DCTN6: variants seen among roughly 807,000 people sequenced by gnomAD.
DCTN6 encodes dynactin subunit 6, also known as dynactin 6.
In DCTN6, 15 loss-of-function variants were observed where a neutral mutation model predicts 25.8. The observed-to-expected ratio is 0.58, with a 90% CI of 0.39 to 0.89. The LOEUF is 0.89. Among genes scored for constraint, DCTN6 ranks in the 40% least tolerant of loss-of-function variants. The probability of loss-of-function intolerance (pLI) is 0.00; values close to 1 mark genes in which losing one functional copy is unlikely to be tolerated. For synonymous variants in DCTN6, 64 were observed against 78.3 expected, an observed-to-expected ratio of 0.82 and a Z score of 0.96; for missense variants, 198 against 237.6, an observed-to-expected ratio of 0.83 and a Z score of 1.09.
chr8:30,175,394 T>C (rs1245184120), intron 3 of DCTN6, among the ~76,000 whole-genome samples: 1 of 152,196 alleles, frequency 6.6e-6, no homozygotes, highest in African/African-American at 2.4e-5. Flanking sequence ...ATGAGAGAGC[T>C]GAGTAGCTGC....
intron 5 of DCTN6, among the ~76,000 whole-genome samples, chr8:30,179,891 C>T (rs1319845761): frequency 1.3e-5 from 2 of 152,134 alleles, no homozygotes; most frequent in Admixed American, 6.5e-5. Flanking sequence ...CAGGAGATTA[C>T]CTAAAGTCAC....
chr8:30,165,580 T>A (rs1803654473), intron 2 of DCTN6: 1 of 151,924 alleles, frequency 6.6e-6, no homozygotes, highest in Non-Finnish European at 1.5e-5. Flanking sequence ...ATTTGCCAGG[T>A]TAGGACGGGC....
At chr8:30,156,564 G>T (rs1258511130) in intron 1 of DCTN6, among the ~76,000 whole-genome samples, 158 bp downstream of exon 1, 1 of 152,162 alleles carries the variant, frequency 6.6e-6, no homozygotes, top group Non-Finnish European at 1.5e-5. Context: ...GGGAGGGGGC[G>T]ACGGAGTGGG....
intron 6 of DCTN6, 90 bp downstream of exon 6, chr8:30,180,720 T>C: frequency 7.0e-7 from 1 of 1,420,802 alleles, no homozygotes; most frequent in South Asian, 1.3e-5. Context: ...GGTACACTAT[T>C]TAAGAACATA....
At chr8:30,176,398 G>A (rs2117595101) in intron 3 of DCTN6, among the ~76,000 whole-genome samples, 1 of 152,270 alleles carries the variant, frequency 6.6e-6, no homozygotes, top group East Asian at 1.9e-4. Context: ...CGGGCGTGGT[G>A]GCACCCCACC....
chr8:30,165,111 G>C (rs981160459), intron 2 of DCTN6, among the ~76,000 whole-genome samples: 1 of 152,146 alleles, frequency 6.6e-6, no homozygotes, highest in Non-Finnish European at 1.5e-5. Context: ...TACCTCCTAG[G>C]TTTCTTGAAA....
chr8:30,165,520 T>C (rs992951565), intron 2 of DCTN6, among the ~76,000 whole-genome samples: 2 of 151,660 alleles, frequency 1.3e-5, no homozygotes, highest in African/African-American at 4.8e-5. Flanking sequence ...AGGCATCTTG[T>C]CTTATAAAAC....
chr8:30,166,335 G>C (rs1361403502), intron 2 of DCTN6, among the ~76,000 whole-genome samples: 1 of 129,158 alleles, frequency 7.7e-6, no homozygotes, highest in Non-Finnish European at 1.6e-5. Flanking sequence ...TTTTTTTTGA[G>C]ACAGGGTCTC....
chr8:30,164,163 G>C lies in DCTN6; in HGVS notation c.76G>C (p.Asp26His). ...ATGTGTAGAAAGTGAAATCAGAGGA[G>C]ATGTAACTATCGGTAAGAAATAGTT... The part of the protein sequence containing the change: ...VVCVESEIRG[D>H]VTIGPRTVIH... The change falls in exon 2 of 7, where the codon GAT becomes CAT. Residue 26 changes from aspartate to histidine, a missense_variant. Physicochemically the swap from Asp to His is moderately conservative, Grantham distance 81. Coordinates refer to ENST00000221114, the MANE Select transcript of DCTN6 (RefSeq NM_006571.4). The C allele has an allele frequency of 6.2e-7, 1 of 1,612,040 alleles. No homozygotes were observed. Among genetic ancestry groups the C allele is most frequent in the South Asian group, 1.1e-5 (1 of 91,030 alleles).
At chr8:30,160,966 A>G (rs1472304041) in intron 1 of DCTN6, among the ~76,000 whole-genome samples, 1 of 152,196 alleles carries the variant, frequency 6.6e-6, no homozygotes, top group African/African-American at 2.4e-5. Context: ...TATTTCCTAG[A>G]CATACCTGCA....
At chr8:30,181,143 T>C (rs1803906283) in intron 6 of DCTN6, 1 of 153,444 alleles carries the variant, frequency 6.5e-6, no homozygotes, top group African/African-American at 2.4e-5. Context: ...TAGGTTAATA[T>C]CAAAAATATA....
chr8:30,164,858 TC>T (rs1467860830), intron 2 of DCTN6, among the ~76,000 whole-genome samples: 10 of 152,192 alleles, frequency 6.6e-5, no homozygotes, highest in African/African-American at 2.2e-4. Flanking sequence ...GGGCATGTGT[TC>T]CAGCTGTGAG....
At chr8:30,176,196 T>C (rs754178624) in intron 3 of DCTN6, among the ~76,000 whole-genome samples, 29 of 152,238 alleles carry the variant, frequency 1.9e-4, no homozygotes, top group Middle Eastern at 3.2e-3. Context: ...AGCATCTTCT[T>C]TCCTTTGTCC....
intron 2 of DCTN6, among the ~76,000 whole-genome samples, chr8:30,174,872 C>T (rs1803810561): frequency 6.6e-6 from 1 of 152,152 alleles, no homozygotes; most frequent in Non-Finnish European, 1.5e-5. Flanking sequence ...GGCTCTAGTG[C>T]CTGTGCCATT....
chr8:30,166,578 GA>G (rs1300880252), intron 2 of DCTN6, among the ~76,000 whole-genome samples: 2 of 152,148 alleles, frequency 1.3e-5, no homozygotes, highest in African/African-American at 4.8e-5. Flanking sequence ...TTTCAGATTT[GA>G]AATAACATCT....
At chr8:30,162,690 T>C (rs904499176) in intron 1 of DCTN6, among the ~76,000 whole-genome samples, 1 of 152,134 alleles carries the variant, frequency 6.6e-6, no homozygotes, top group African/African-American at 2.4e-5. Flanking sequence ...AACAGCAGAA[T>C]ATAAAAAAGC....
Position 30,180,634 on chromosome 8 carries a change from C to T in DCTN6, c.474+4C>T. On this transcript the variant is annotated splice_donor_region_variant and intron_variant, in intron 6 of 6. Coordinates refer to ENST00000221114, the MANE Select transcript of DCTN6 (RefSeq NM_006571.4). ...GGTGCAGACTGAGCGACCGCAGGTA[C>T]TAGAACCTCTCTTTAAAAAGAGTTC... The T allele has an allele frequency of 6.2e-7, 1 of 1,613,058 alleles. No individual in the cohort carries two copies. Among genetic ancestry groups the T allele is most frequent in the Non-Finnish European group, 8.5e-7 (1 of 1,179,692 alleles).
intron 2 of DCTN6, among the ~76,000 whole-genome samples, chr8:30,173,945 C>T (rs1803797329): frequency 6.6e-6 from 1 of 152,058 alleles, no homozygotes; most frequent in African/African-American, 2.4e-5. Flanking sequence ...TATGTTTTCT[C>T]ATCAGTGGTT....
At chr8:30,174,106 C>G (rs1422043176) in intron 2 of DCTN6, among the ~76,000 whole-genome samples, 10 of 152,210 alleles carry the variant, frequency 6.6e-5, no homozygotes. Context: ...GAGGCATCGC[C>G]TCAGGGCTCC....
Sources: gnomAD v4.1 joint callset for allele counts (sites outside exome capture counted in the v4.1 genomes callset) on GRCh38, gnomAD v4.1.1 for gene constraint, MANE v1.5 for transcripts, NCBI Gene and HGNC (gene_info 2026-07-23, HGNC 2026-07-21) for gene names.